Variants in CRABP2 observed in about 807,000 individuals in gnomAD.
CRABP2 encodes the protein cellular retinoic acid-binding protein 2.
CRABP2 carries 20 observed loss-of-function variants against 17.9 expected under a neutral mutation model. The ratio of observed to expected loss-of-function variants is 1.12; its 90% CI spans 0.79 to 1.63. The LOEUF is 1.63. CRABP2 is among the 40% of genes most tolerant of loss of function. The pLI, the probability that CRABP2 is intolerant of heterozygous loss-of-function variation, is 0.00. For missense variants in CRABP2, 151 were observed against 168.6 expected (o/e 0.90, Z 0.58); for synonymous variants, 76 against 66.4 (o/e 1.14, Z -0.70).
chr1:156,699,976 G>T lies in CRABP2; in HGVS notation c.*50C>A. 6.3e-7 allele frequency: 1 copy of T among 1,586,402 alleles called. No homozygotes were observed. The highest frequency in any genetic ancestry group is 1.1e-5 in the South Asian group (1 of 88,110). ...GACGGAGGGGGCAGTGAAGCAGGGC[G>T]GTGAGCATGGCCAGTGGTGGGCTTC... is the stretch of plus-strand genomic sequence containing the variant. On this transcript the variant is annotated 3_prime_UTR_variant, in exon 4 of 4. Transcript: ENST00000368222.
chr1:156,701,825 T>C (rs1251505488), intron 1 of CRABP2, among the ~76,000 whole-genome samples: 1 of 151,954 alleles, frequency 6.6e-6, no homozygotes, highest in Non-Finnish European at 1.5e-5. Flanking sequence ...AATTGTAAAA[T>C]GGAAATAACA....
chr1:156,703,485 A>T (rs1648100825), intron 1 of CRABP2, among the ~76,000 whole-genome samples: 1 of 152,170 alleles, frequency 6.6e-6, no homozygotes, highest in Admixed American at 6.5e-5. Flanking sequence ...CCTGGAGTAG[A>T]GCCAGGGATG....
upstream of CRABP2, chr1:156,705,755 G>A: frequency 2.9e-6 from 1 of 350,256 alleles, no homozygotes; most frequent in Non-Finnish European, 5.3e-6. This position sits in a 1 kb window ranked among gnomAD's most constrained non-coding sequence, Gnocchi z 5.2. Context: ...TGGGGACCGA[G>A]ATAGCCTTCT....
Position 156,700,635 on chromosome 1 carries a change from C to A in CRABP2, c.273G>T (p.Glu91Asp). 1 of 1,614,174 alleles carries A rather than the reference C, an allele frequency of 6.2e-7. No individual in the cohort carries two copies. The highest frequency in any genetic ancestry group is 1.3e-5 in the African/African-American group (1 of 75,060). ...PCKSLVKWES[E>D]NKMVCEQKLL... is the part of the protein sequence containing the mutation. ...GCTTCTGCTCACAGACCATTTTATT[C>A]TCACTCTCCCATTTCACCAGGCTCT... The change falls in exon 3 of 4, where the codon GAG (glutamate) becomes GAT (aspartate). Residue 91 changes from glutamate (E) to aspartate (D), a missense_variant. Transcript: ENST00000368222.
intron 1 of CRABP2, among the ~76,000 whole-genome samples, chr1:156,704,254 C>A (rs16837619): frequency 0.091 from 13,878 of 152,214 alleles, 1,190 homozygotes; most frequent in African/African-American, 0.22. Flanking sequence ...ACGGCAAGGA[C>A]TGATGGAGAT....
intron 1 of CRABP2, among the ~76,000 whole-genome samples, chr1:156,702,573 G>A (rs966418847): frequency 1.3e-5 from 2 of 152,038 alleles, no homozygotes; most frequent in African/African-American, 4.8e-5. Context: ...GGGAGTTTGA[G>A]ACCAGCCTGA....
At position 156,705,347 on chromosome 1, in the gene CRABP2, C is replaced by T. The variant is rs1648162680; in HGVS notation, c.70+30G>A. 1 of 1,612,560 alleles carries T rather than the reference C, an allele frequency of 6.2e-7. No individual in the cohort carries two copies. The highest frequency in any genetic ancestry group is 8.5e-7 in the Non-Finnish European group (1 of 1,178,660). Reference sequence around the variant, plus strand: ...TCGAGGACTCCAGAGCCCCCCCTTGCCCCACCTGGGCCCTCGAACATTTCC... The same window carrying T: ...TCGAGGACTCCAGAGCCCCCCCTTGTCCCACCTGGGCCCTCGAACATTTCC... On this transcript the variant is annotated intron_variant, in intron 1 of 3. Coordinates refer to ENST00000368222, the MANE Select transcript of CRABP2 (RefSeq NM_001878.4). The surrounding 1 kb of genome is among the most constrained non-coding windows in gnomAD (Gnocchi z 5.2).
Position 156,700,658 on chromosome 1 carries a change from T to G in CRABP2, c.250A>C (p.Ser84Arg). The G allele has an allele frequency of 6.2e-7, 1 of 1,613,770 alleles. No individual in the cohort carries two copies. Among genetic ancestry groups the G allele is most frequent in the South Asian group, 1.1e-5 (1 of 91,068 alleles). Reference protein sequence around the residue: ...EQTVDGRPCKSLVKWESENKM... With the variant: ...EQTVDGRPCKRLVKWESENKM... ...TTCTCACTCTCCCATTTCACCAGGC[T>G]CTGCAAGAGACAGGTGGCCAAGTGA... The change falls in exon 3 of 4, where the codon AGC (serine) becomes CGC (arginine). Residue 84 changes from serine to arginine, a missense_variant and splice_region_variant. By Grantham distance (110) the Ser-to-Arg change is moderately radical. Transcript: ENST00000368222.
chr1:156,701,211 T>C (rs1236388389), intron 1 of CRABP2, among the ~76,000 whole-genome samples, 159 bp from the exon 2 acceptor site: 1 of 152,028 alleles, frequency 6.6e-6, no homozygotes, highest in African/African-American at 2.4e-5. Flanking sequence ...AGAAAGTGCC[T>C]TGAAGGAGAC....
chr1:156,700,718 G>C, intron 2 of CRABP2, 60 bp from the exon 3 acceptor site: 1 of 1,537,954 alleles, frequency 6.5e-7, no homozygotes, highest in Non-Finnish European at 9.0e-7. Flanking sequence ...CAGTGAGAGG[G>C]ATAAGGGAGA....
In CRABP2 at chr1:156,705,338, C is replaced by T. The variant is rs780540644; in HGVS notation, c.70+39G>A. 2.5e-6 allele frequency: 4 copies of T among 1,608,046 alleles called. No individual in the cohort carries two copies. Among genetic ancestry groups the T allele is most frequent in the East Asian group, 2.2e-5 (1 of 44,846 alleles). On this transcript the variant is annotated intron_variant, in intron 1 of 3. Transcript: ENST00000368222. This position sits in a 1 kb window ranked among gnomAD's most constrained non-coding sequence, Gnocchi z 5.2. ...TCCCCAACTTCGAGGACTCCAGAGC[C>T]CCCCCTTGCCCCACCTGGGCCCTCG...
chr1:156,705,622 C>A, upstream of CRABP2: 1 of 613,296 alleles, frequency 1.6e-6, no homozygotes, highest in South Asian at 2.1e-5. This position sits in a 1 kb window ranked among gnomAD's most constrained non-coding sequence, Gnocchi z 5.2. Context: ...ATACCCTGTA[C>A]GGAACCGCCC....
intron 1 of CRABP2, among the ~76,000 whole-genome samples, chr1:156,702,963 G>A (rs1451897205): frequency 6.7e-6 from 1 of 149,806 alleles, no homozygotes; most frequent in Non-Finnish European, 1.5e-5. Flanking sequence ...TTGGGAGGCC[G>A]AGGCAGCAGG....
At chr1:156,700,846 T>C (rs763179546) in intron 2 of CRABP2, 28 bp downstream of exon 2, 1 of 1,607,294 alleles carries the variant, frequency 6.2e-7, no homozygotes, top group Admixed American at 1.7e-5. Flanking sequence ...AATGACGCCA[T>C]GACCCTGGAG....
chr1:156,704,937 G>C (rs1017274114), intron 1 of CRABP2, among the ~76,000 whole-genome samples: 1 of 152,086 alleles, frequency 6.6e-6, no homozygotes, highest in African/African-American at 2.4e-5. Flanking sequence ...GTTACCGAGG[G>C]GGGCACCGGG....
At chr1:156,704,788 C>T (rs568391960) in intron 1 of CRABP2, among the ~76,000 whole-genome samples, 1 of 151,366 alleles carries the variant, frequency 6.6e-6, no homozygotes, top group African/African-American at 2.4e-5. Context: ...AAATACTTGT[C>T]TCACAGATGG....
Position 156,700,599 on chromosome 1 carries a change from T to C in CRABP2, c.309A>G (p.Gly103=). ...TGGTCCACGAGGTCTTGGGGCCCTC[T>C]CCCTTCAGGAGCTTCTGCTCACAGA... is the stretch of plus-strand genomic sequence containing the variant. ...KMVCEQKLLK[G]EGPKTSWTRE... The change falls in exon 3 of 4, where the codon GGA becomes GGG. Residue 103 remains glycine (G), a synonymous_variant. Transcript: ENST00000368222. 6.2e-7 allele frequency: 1 copy of C among 1,614,168 alleles called. No homozygotes were observed. Among genetic ancestry groups the C allele is most frequent in the Non-Finnish European group, 8.5e-7 (1 of 1,180,000 alleles).
At position 156,701,056 on chromosome 1, in the gene CRABP2, T is replaced by C; in HGVS notation, c.71-4A>G. 1.2e-6 allele frequency: 2 copies of C among 1,613,728 alleles called. No individual in the cohort carries two copies. The highest frequency in any genetic ancestry group is 1.7e-6 in the Non-Finnish European group (2 of 1,179,790). On this transcript the variant is annotated splice_polypyrimidine_tract_variant and splice_region_variant and intron_variant, in intron 1 of 3. Coordinates refer to ENST00000368222, the MANE Select transcript of CRABP2 (RefSeq NM_001878.4). ...TTCCTCAGCATCACATTCACCCCTGTGGGGAGAGAGGAGAGGCTCACCTTT... is the reference window on the plus strand; with the variant it reads ...TTCCTCAGCATCACATTCACCCCTGCGGGGAGAGAGGAGAGGCTCACCTTT...
chr1:156,705,398 C>T lies in CRABP2; in HGVS notation c.49G>A (p.Glu17Lys), dbSNP rs754025759. The change falls in exon 1 of 4, where the codon GAG (glutamate) becomes AAG (lysine). Residue 17 changes from glutamate (E) to lysine (K), a missense_variant. Physicochemically the swap from Glu to Lys is moderately conservative, Grantham distance 56. Coordinates refer to ENST00000368222, the MANE Select transcript of CRABP2 (RefSeq NM_001878.4). This position sits in a 1 kb window ranked among gnomAD's most constrained non-coding sequence, Gnocchi z 5.2. ...NWKIIRSENFEELLKVLGVNV... is the reference protein window; with the variant it reads ...NWKIIRSENFKELLKVLGVNV... ...TTACCCAGCACTTTGAGCAATTCCT[C>T]GAAGTTTTCCGATCGGATGATTTTC... The T allele has an allele frequency of 6.2e-7, 1 of 1,614,192 alleles. No homozygotes were observed. Among genetic ancestry groups the T allele is most frequent in the Non-Finnish European group, 8.5e-7 (1 of 1,180,038 alleles).
Sources: allele counts gnomAD v4.1 joint callset (sites outside exome capture counted in the v4.1 genomes callset), GRCh38; gene constraint gnomAD v4.1.1; non-coding constraint Gnocchi (gnomAD v3.1); transcripts MANE v1.5; gene names NCBI Gene and HGNC (gene_info 2026-07-23, HGNC 2026-07-21).